VPS37A: variants seen among roughly 807,000 people sequenced by gnomAD.
The protein encoded by VPS37A is vacuolar protein sorting-associated protein 37A.
VPS37A carries 30 observed loss-of-function variants against 49.8 expected under a neutral mutation model. That is an observed-to-expected ratio of 0.60 (90% confidence interval 0.45 to 0.82). VPS37A has a LOEUF of 0.82. VPS37A is among the 40% of genes least tolerant of loss of function. VPS37A has a pLI of 0.00. For missense variants in VPS37A, 593 were observed against 464.4 expected (o/e 1.28, Z -2.55); for synonymous variants, 195 against 160.6 (o/e 1.21, Z -1.62).
Position 17,286,394 on chromosome 8 carries a change from A to T in VPS37A, c.1161A>T (p.Ile387=). 6.2e-7 allele frequency: 1 copy of T among 1,613,930 alleles called. No homozygotes were observed. Among genetic ancestry groups the T allele is most frequent in the Non-Finnish European group, 8.5e-7 (1 of 1,179,908 alleles). Residue 387 remains isoleucine (I), a synonymous_variant, in exon 11 of 12, where the codon ATA becomes ATT. Coordinates refer to ENST00000324849, the MANE Select transcript of VPS37A (RefSeq NM_152415.3). Reference sequence around the variant, plus strand: ...AGGAAGAGAAACTTCAGCAGGCGATAGCAATGCACAGCCAATTTCATGCTC... The same window carrying T: ...AGGAAGAGAAACTTCAGCAGGCGATTGCAATGCACAGCCAATTTCATGCTC... The part of the protein sequence containing the change: ...RAKEEKLQQA[I]AMHSQFHAPL
downstream of VPS37A, among the ~76,000 whole-genome samples, chr8:17,300,465 T>C (rs373513639): frequency 6.6e-6 from 1 of 152,142 alleles, no homozygotes; most frequent in Non-Finnish European, 1.5e-5. Context: ...ATAAACAATA[T>C]AGCACAGTTG....
intron 11 of VPS37A, among the ~76,000 whole-genome samples, chr8:17,293,652 C>G (rs1269563196): frequency 2.0e-5 from 3 of 152,164 alleles, no homozygotes; most frequent in African/African-American, 7.2e-5. Context: ...GCATGGTCGT[C>G]ATTTTTGTTG....
At chr8:17,279,054 A>C (rs780638166) in intron 6 of VPS37A, among the ~76,000 whole-genome samples, 3 of 152,116 alleles carry the variant, frequency 2.0e-5, no homozygotes, top group Non-Finnish European at 4.4e-5. Context: ...TTTTATGAAT[A>C]TCTGTACACA....
At chr8:17,274,464 G>A (rs879630196) in intron 4 of VPS37A, among the ~76,000 whole-genome samples, 13 of 151,742 alleles carry the variant, frequency 8.6e-5, no homozygotes, top group South Asian at 2.1e-4. Flanking sequence ...CTTCTACTCC[G>A]TCCAGTTGAA....
chr8:17,324,871 G>C, the VPS37A span, among the ~76,000 whole-genome samples: 2 of 152,110 alleles, frequency 1.3e-5, no homozygotes, highest in African/African-American at 4.8e-5. Context: ...ATTAATAATG[G>C]TTAAAAACTG....
chr8:17,322,698 G>A, the VPS37A span, among the ~76,000 whole-genome samples: 3 of 152,038 alleles, frequency 2.0e-5, no homozygotes, highest in Non-Finnish European at 2.9e-5. Context: ...GGAGGTGCAC[G>A]CCTGTAGTCC....
chr8:17,249,386 C>A (rs1024260947), intron 1 of VPS37A, among the ~76,000 whole-genome samples: 1 of 152,184 alleles, frequency 6.6e-6, no homozygotes, highest in East Asian at 1.9e-4. Flanking sequence ...AAATTATGAA[C>A]GTATGATTGG....
the VPS37A span, among the ~76,000 whole-genome samples, chr8:17,329,714 A>G: frequency 6.6e-6 from 1 of 152,214 alleles, no homozygotes; most frequent in Non-Finnish European, 1.5e-5. Context: ...CCTTTCCAAT[A>G]ACAGTACCAA....
intron 1 of VPS37A, among the ~76,000 whole-genome samples, chr8:17,256,885 C>G (rs1812517689): frequency 6.6e-6 from 1 of 152,110 alleles, no homozygotes; most frequent in South Asian, 2.1e-4. Context: ...CTCCTGACCT[C>G]AGATGATCGG....
intron 11 of VPS37A, among the ~76,000 whole-genome samples, chr8:17,289,402 A>G (rs778801254): frequency 6.6e-6 from 1 of 152,098 alleles, no homozygotes; most frequent in Non-Finnish European, 1.5e-5. Flanking sequence ...GAAGGGGTCC[A>G]TTTTTAGTTT....
chr8:17,259,117 T>C (rs924572331), intron 1 of VPS37A, among the ~76,000 whole-genome samples: 5 of 152,080 alleles, frequency 3.3e-5, no homozygotes, highest in Non-Finnish European at 4.4e-5. Context: ...TTTATATTTT[T>C]TCTCCTTTTA....
the VPS37A span, among the ~76,000 whole-genome samples, chr8:17,316,793 G>C: frequency 6.6e-6 from 1 of 152,146 alleles, no homozygotes; most frequent in South Asian, 2.1e-4. Flanking sequence ...GATGTGCATA[G>C]GCTATATGCA....
the VPS37A span, among the ~76,000 whole-genome samples, chr8:17,324,447 T>A: frequency 6.6e-6 from 1 of 152,222 alleles, no homozygotes; most frequent in African/African-American, 2.4e-5. Flanking sequence ...AGTAAATAAC[T>A]GAGCTGGAAT....
intron 1 of VPS37A, among the ~76,000 whole-genome samples, chr8:17,253,651 T>G (rs1023908757): frequency 6.6e-6 from 1 of 152,248 alleles, no homozygotes; most frequent in African/African-American, 2.4e-5. Flanking sequence ...CTCTTTTAAA[T>G]GTAACTCAGA....
chr8:17,331,166 C>T, the VPS37A span: 7 of 1,610,970 alleles, frequency 4.3e-6, no homozygotes, highest in African/African-American at 2.7e-5. Flanking sequence ...GCATTTTCTG[C>T]AGACTGTTCC....
At chr8:17,260,842 G>A (rs909815480) in intron 1 of VPS37A, among the ~76,000 whole-genome samples, 2 of 152,164 alleles carry the variant, frequency 1.3e-5, no homozygotes. Flanking sequence ...TCTGTTGCCA[G>A]ACCAATTAGA....
chr8:17,266,908 G>A (rs1813516789), intron 2 of VPS37A, among the ~76,000 whole-genome samples: 1 of 152,054 alleles, frequency 6.6e-6, no homozygotes, highest in African/African-American at 2.4e-5. Context: ...GAGTAGCTGG[G>A]ATTACAGGCA....
chr8:17,318,749 A>T, the VPS37A span, among the ~76,000 whole-genome samples: 2 of 152,162 alleles, frequency 1.3e-5, no homozygotes, highest in Non-Finnish European at 2.9e-5. Flanking sequence ...TGCCCACTCC[A>T]ATCTGTCCTC....
At chr8:17,266,930 G>A (rs1813519036) in intron 2 of VPS37A, among the ~76,000 whole-genome samples, 1 of 151,944 alleles carries the variant, frequency 6.6e-6, no homozygotes, top group African/African-American at 2.4e-5. Context: ...GCCCCACCAT[G>A]CCCGGCTAAT....
Sources: gnomAD v4.1 joint callset for allele counts (sites outside exome capture counted in the v4.1 genomes callset) on GRCh38, gnomAD v4.1.1 for gene constraint, MANE v1.5 for transcripts, NCBI Gene and HGNC (gene_info 2026-07-23, HGNC 2026-07-21) for gene names.